The following TBC1D14 variants were observed in gnomAD, a reference collection of about 807,000 sequenced individuals.
The protein encoded by TBC1D14 is TBC1 domain family member 14.
A neutral mutation model predicts 79.0 loss-of-function variants in TBC1D14; 26 were observed. The observed-to-expected ratio is 0.33, with a 90% CI of 0.24 to 0.46. The LOEUF is 0.46. Among genes scored for constraint, TBC1D14 ranks in the 20% least tolerant of loss-of-function variants. The pLI is 1.00. For synonymous variants in TBC1D14, 394 were observed against 349.9 expected, an observed-to-expected ratio of 1.13 and a Z score of -1.40; for missense variants, 769 against 887.6, an observed-to-expected ratio of 0.87 and a Z score of 1.70.
At position 7,030,279 on chromosome 4, in the gene TBC1D14, C is replaced by T. The variant is rs1364562519; in HGVS notation, c.2017-48C>T. On this transcript the variant is annotated intron_variant, in intron 13 of 13. Transcript: ENST00000409757. ...GTCTCTGCTTCGCTGCTGTCAGGATCTGTGTGCGTGGTCACTTAACCTCAG... is the reference window on the plus strand; with the variant it reads ...GTCTCTGCTTCGCTGCTGTCAGGATTTGTGTGCGTGGTCACTTAACCTCAG... 1.9e-6 allele frequency: 3 copies of T among 1,586,346 alleles called. No individual in the cohort carries two copies. In the African/African-American group the frequency reaches 4.0e-5, roughly 21 times the overall value.
At chr4:6,965,492 A>G (rs556306961) in intron 2 of TBC1D14, among the ~76,000 whole-genome samples, 85 of 152,236 alleles carry the variant, frequency 5.6e-4, no homozygotes, top group African/African-American at 2.0e-3. Context: ...CATCAGCGCC[A>G]TTGACTTGGT....
intron 2 of TBC1D14, among the ~76,000 whole-genome samples, chr4:6,957,043 G>A (rs79380123): frequency 0.018 from 2,740 of 152,348 alleles, 92 homozygotes; most frequent in African/African-American, 0.063. Context: ...CAGGAGCATG[G>A]TTGCACCGTG....
chr4:7,002,208 G>A (rs995868110), intron 7 of TBC1D14, among the ~76,000 whole-genome samples: 23 of 152,300 alleles, frequency 1.5e-4, no homozygotes, highest in Middle Eastern at 3.4e-3. Context: ...GTGGGGGCCC[G>A]GAACTCCCTC....
intron 2 of TBC1D14, among the ~76,000 whole-genome samples, chr4:6,930,969 C>T (rs1235370162): frequency 3.3e-5 from 5 of 152,068 alleles, no homozygotes; most frequent in Admixed American, 6.5e-5. Flanking sequence ...GGTGTCATCT[C>T]GGCTCACTGC....
At chr4:6,978,604 G>A (rs1577112989) in intron 3 of TBC1D14, among the ~76,000 whole-genome samples, 1 of 148,704 alleles carries the variant, frequency 6.7e-6, no homozygotes, top group Non-Finnish European at 1.5e-5. Flanking sequence ...CAAACACTGC[G>A]GAAGGCCGCA....
intron 3 of TBC1D14, among the ~76,000 whole-genome samples, chr4:6,981,627 C>G (rs1031832208): frequency 1.3e-5 from 2 of 152,188 alleles, no homozygotes; most frequent in African/African-American, 4.8e-5. Flanking sequence ...AAATTCTCAA[C>G]ACAGTATTAA....
At chr4:6,978,793 A>G (rs1048015856) in intron 3 of TBC1D14, among the ~76,000 whole-genome samples, 1 of 152,084 alleles carries the variant, frequency 6.6e-6, no homozygotes, top group Non-Finnish European at 1.5e-5. Context: ...ATTATCATGA[A>G]AAGAATCTAG....
intron 3 of TBC1D14, among the ~76,000 whole-genome samples, chr4:6,968,834 T>C (rs1715956200): frequency 6.6e-6 from 1 of 152,240 alleles, no homozygotes; most frequent in Non-Finnish European, 1.5e-5. Context: ...GGCAAGAATA[T>C]GGCTCTTGGA....
At chr4:6,974,149 G>C (rs1482914864) in intron 3 of TBC1D14, among the ~76,000 whole-genome samples, 3 of 152,082 alleles carry the variant, frequency 2.0e-5, no homozygotes, top group Non-Finnish European at 4.4e-5. Context: ...CCCAGGCCTA[G>C]TTTTATTTTT....
At chr4:6,948,294 ACT>A (rs972240863) in intron 2 of TBC1D14, among the ~76,000 whole-genome samples, 4 of 151,910 alleles carry the variant, frequency 2.6e-5, no homozygotes, top group African/African-American at 4.8e-5. Flanking sequence ...CACTGTTCTG[ACT>A]CTGTCACCAC....
intron 13 of TBC1D14, 127 bp downstream of exon 13, chr4:7,025,389 A>AT (rs1722258256): frequency 1.4e-6 from 2 of 1,442,936 alleles, no homozygotes; most frequent in African/African-American, 1.4e-5. Context: ...GCTGGAACTG[A>AT]GGGGGGCCGG....
At chr4:6,984,493 T>A (rs1255824220) in intron 3 of TBC1D14, among the ~76,000 whole-genome samples, 1 of 152,182 alleles carries the variant, frequency 6.6e-6, no homozygotes, top group Non-Finnish European at 1.5e-5. Flanking sequence ...GTTGGTGAAA[T>A]CGATTTTTGA....
In TBC1D14 at chr4:6,954,197, A is replaced by G. The variant is rs751425783; in HGVS notation, c.723-13107A>G. ...GAGGGGCGGGGCTCCGAGTGCACCC[A>G]TGGAGTTTCCCCGGGACTGTGGCTC... On this transcript the variant is annotated intron_variant, in intron 2 of 13. Transcript: ENST00000409757. 242 of 694,842 alleles carry G rather than the reference A, an allele frequency of 3.5e-4. 1 individual carries two copies. Among genetic ancestry groups the G allele is most frequent in the Non-Finnish European group, 1.4e-4 (52 of 372,780 alleles). 43.0% of individuals were successfully genotyped at this position (694,842 alleles called of 1,614,324 possible).
intron 4 of TBC1D14, chr4:6,995,303 C>T (rs1425846899): frequency 6.6e-6 from 1 of 152,164 alleles, no homozygotes; most frequent in African/African-American, 2.4e-5. Flanking sequence ...AAAATCTGGT[C>T]AGGAAATGTC....
At chr4:7,003,760 G>A (rs1462801240) in intron 7 of TBC1D14, among the ~76,000 whole-genome samples, 4 of 152,216 alleles carry the variant, frequency 2.6e-5, no homozygotes, top group African/African-American at 7.2e-5. Flanking sequence ...AGCACTTTGG[G>A]AGGTTGTGGC....
chr4:6,945,999 G>A (rs1250894211), intron 2 of TBC1D14, among the ~76,000 whole-genome samples: 1 of 152,106 alleles, frequency 6.6e-6, no homozygotes, highest in Non-Finnish European at 1.5e-5. Context: ...ACTCTAGCAC[G>A]CAGAGGGTTC....
chr4:6,937,945 CG>C (rs1712507577), intron 2 of TBC1D14, among the ~76,000 whole-genome samples: 1 of 152,082 alleles, frequency 6.6e-6, no homozygotes, highest in Admixed American at 6.5e-5. Flanking sequence ...AGGCTCCCCC[CG>C]GGGCCGTTGC....
intron 12 of TBC1D14, among the ~76,000 whole-genome samples, chr4:7,023,563 G>A (rs1005975899): frequency 1.3e-5 from 2 of 152,328 alleles, no homozygotes; most frequent in African/African-American, 2.4e-5. Flanking sequence ...CAAGAAGCTC[G>A]GGCTGAAGGC....
chr4:6,987,119 G>A, intron 3 of TBC1D14: 1 of 838,382 alleles, frequency 1.2e-6, no homozygotes, highest in Non-Finnish European at 1.4e-6. Context: ...CATCAGCCCC[G>A]CCCCCTTGGG....
Sources: gnomAD v4.1 joint callset for allele counts (sites outside exome capture counted in the v4.1 genomes callset) on GRCh38, gnomAD v4.1.1 for gene constraint, MANE v1.5 for transcripts, NCBI Gene and HGNC (gene_info 2026-07-23, HGNC 2026-07-21) for gene names.